Variants in PCTP observed in about 807,000 individuals in gnomAD.
The protein encoded by PCTP is START domain-containing protein 2.
PCTP carries 27 observed loss-of-function variants against 31.0 expected under a neutral mutation model. That is an observed-to-expected ratio of 0.87 (90% CI 0.64 to 1.20). The LOEUF (loss-of-function observed/expected upper bound fraction) is 1.20, where lower values mean the gene tolerates loss of function less well. PCTP is among the 50% of genes most tolerant of loss of function. PCTP has a pLI of 0.00. For missense variants in PCTP, 287 were observed against 268.2 expected (o/e 1.07, Z -0.49); for synonymous variants, 108 against 101.2 (o/e 1.07, Z -0.40).
the PCTP span, among the ~76,000 whole-genome samples, chr17:55,849,451 C>T: frequency 6.6e-6 from 1 of 151,990 alleles, no homozygotes; most frequent in Non-Finnish European, 1.5e-5. Context: ...GGTGAAACCC[C>T]ATCTTTACTA....
At chr17:55,772,523 G>T (rs1911068009) in intron 3 of PCTP, among the ~76,000 whole-genome samples, 1 of 149,844 alleles carries the variant, frequency 6.7e-6, no homozygotes, top group African/African-American at 2.5e-5. Context: ...GGAGGTGGAG[G>T]TTGCAGTGAG....
At chr17:55,821,525 A>T (rs987152878) in intron 3 of PCTP, among the ~76,000 whole-genome samples, 1 of 152,252 alleles carries the variant, frequency 6.6e-6, no homozygotes, top group Non-Finnish European at 1.5e-5. Context: ...TGTGAATTAT[A>T]TCTCAATAAA....
intron 3 of PCTP, among the ~76,000 whole-genome samples, chr17:55,790,778 T>G (rs1911934942): frequency 6.7e-6 from 1 of 149,240 alleles, no homozygotes; most frequent in African/African-American, 2.5e-5. Context: ...TACCAATGAC[T>G]TTCTTCACAG....
At chr17:55,792,279 A>G (rs1419339397) in intron 3 of PCTP, among the ~76,000 whole-genome samples, 1 of 151,038 alleles carries the variant, frequency 6.6e-6, no homozygotes, top group Non-Finnish European at 1.5e-5. Flanking sequence ...CACATTGTGC[A>G]CATGTACCCT....
chr17:55,831,030 A>T (rs1348690542), intron 5 of PCTP, among the ~76,000 whole-genome samples: 1 of 152,210 alleles, frequency 6.6e-6, no homozygotes, highest in African/African-American at 2.4e-5. Flanking sequence ...TTTGCAGGGC[A>T]GGGGCAGCAG....
At chr17:55,799,675 T>C (rs1912309928) in intron 3 of PCTP, among the ~76,000 whole-genome samples, 1 of 152,194 alleles carries the variant, frequency 6.6e-6, no homozygotes. Flanking sequence ...GTGTTGATGG[T>C]CTTTACAATT....
intron 3 of PCTP, among the ~76,000 whole-genome samples, chr17:55,795,146 A>G (rs1255897601): frequency 2.6e-5 from 4 of 152,030 alleles, no homozygotes; most frequent in African/African-American, 9.7e-5. Flanking sequence ...TCCCCCTGCC[A>G]TCAGTTTTAT....
downstream of PCTP, among the ~76,000 whole-genome samples, chr17:55,824,504 C>T (rs1428455282): frequency 6.6e-6 from 1 of 152,178 alleles, no homozygotes; most frequent in Non-Finnish European, 1.5e-5. Context: ...CCTGATAATA[C>T]TATAGGCAAC....
At chr17:55,851,333 A>G in the PCTP span, among the ~76,000 whole-genome samples, 4 of 152,166 alleles carry the variant, frequency 2.6e-5, no homozygotes, top group Non-Finnish European at 5.9e-5. Flanking sequence ...CAGAGAGTTA[A>G]AGATTTTTTA....
intron 3 of PCTP, among the ~76,000 whole-genome samples, chr17:55,817,476 G>A (rs1481957534): frequency 1.3e-5 from 2 of 152,180 alleles, no homozygotes; most frequent in Non-Finnish European, 2.9e-5. Context: ...TTAACCTAAA[G>A]GTGGCCTTGA....
rs1911385268 is a variant in PCTP at position 55,777,269 on chromosome 17, T to C, written c.*1169T>C. The C allele has an allele frequency of 2.0e-6, 2 of 985,440 alleles. No homozygotes were observed. The highest frequency in any genetic ancestry group is 2.4e-6 in the Non-Finnish European group (2 of 829,664). The allele number at this position is 985,440 out of a possible 1,614,324, so 61.0% of individuals were successfully genotyped here. On this transcript the variant is annotated 3_prime_UTR_variant, in exon 6 of 6. Transcript: ENST00000268896. ...TGATTAATAACAGAAATTCAGGATGTAAAGCCACAGAATGGGATTTATTAA... is the reference window on the plus strand; with the variant it reads ...TGATTAATAACAGAAATTCAGGATGCAAAGCCACAGAATGGGATTTATTAA...
In PCTP at chr17:55,776,857, G is replaced by A. The variant is rs779453808; in HGVS notation, c.*757G>A. 43 of 1,001,798 alleles carry A rather than the reference G, an allele frequency of 4.3e-5. No individual in the cohort carries two copies. The highest frequency in any genetic ancestry group is 4.8e-5 in the Non-Finnish European group (40 of 841,356). The allele number at this position is 1,001,798 out of a possible 1,614,324, so 62.1% of individuals were successfully genotyped here. A position where few individuals can be genotyped will look rare whatever the true frequency, so the allele number is the denominator to read the frequency against. On this transcript the variant is annotated 3_prime_UTR_variant, in exon 6 of 6. Coordinates refer to ENST00000268896, the MANE Select transcript of PCTP (RefSeq NM_021213.4). Reference sequence around the variant, plus strand: ...TCCATATGTCACTGGGGGAAAGGCTGCCTGTACCTCTCAAGCTTTGCATTT... The same window carrying A: ...TCCATATGTCACTGGGGGAAAGGCTACCTGTACCTCTCAAGCTTTGCATTT...
intron 3 of PCTP, among the ~76,000 whole-genome samples, chr17:55,798,015 A>G (rs1459887361): frequency 6.6e-6 from 1 of 152,034 alleles, no homozygotes; most frequent in Non-Finnish European, 1.5e-5. Flanking sequence ...AAAGATGGAA[A>G]ACTTTAGCTG....
At chr17:55,785,192 C>A (rs1279978853) in intron 2 of PCTP, among the ~76,000 whole-genome samples, 2 of 152,246 alleles carry the variant, frequency 1.3e-5, no homozygotes, top group South Asian at 2.1e-4. Context: ...TGGATTGTCT[C>A]ACTTGCTTTC....
intron 3 of PCTP, among the ~76,000 whole-genome samples, chr17:55,805,022 G>C (rs1912531208): frequency 6.6e-6 from 1 of 152,054 alleles, no homozygotes; most frequent in African/African-American, 2.4e-5. Flanking sequence ...CACCCAGTAA[G>C]ATCACTTTAA....
At chr17:55,756,133 CA>C (rs1453827827) in intron 1 of PCTP, among the ~76,000 whole-genome samples, 1 of 152,184 alleles carries the variant, frequency 6.6e-6, no homozygotes, top group Non-Finnish European at 1.5e-5. Flanking sequence ...AGATATTCAT[CA>C]ACTGCCTCCC....
chr17:55,780,341 C>T (rs534828560), downstream of PCTP, among the ~76,000 whole-genome samples: 42 of 152,248 alleles, frequency 2.8e-4, no homozygotes, highest in East Asian at 7.9e-3. Context: ...TCTAAGTTTC[C>T]TGTGTGATAT....
At chr17:55,755,191 G>GA (rs1222902522) in intron 1 of PCTP, among the ~76,000 whole-genome samples, 1 of 152,132 alleles carries the variant, frequency 6.6e-6, no homozygotes, top group Non-Finnish European at 1.5e-5. Context: ...ATGGGCGTCG[G>GA]TTGGACTGAT....
At chr17:55,786,041 G>A (rs975620214) in intron 2 of PCTP, among the ~76,000 whole-genome samples, 10 of 152,332 alleles carry the variant, frequency 6.6e-5, no homozygotes, top group African/African-American at 2.2e-4. Context: ...CCAACACTTT[G>A]GGGGGCCGAG....
Sources: gnomAD v4.1 joint callset for allele counts (sites outside exome capture counted in the v4.1 genomes callset) on GRCh38, gnomAD v4.1.1 for gene constraint, MANE v1.5 for transcripts, NCBI Gene and HGNC (gene_info 2026-07-23, HGNC 2026-07-21) for gene names.